Variants in CFAP20DC observed in about 807,000 individuals in gnomAD.
CFAP20DC encodes the protein protein CFAP20DC.
A neutral mutation model predicts 101.7 loss-of-function variants in CFAP20DC; 84 were observed. That is an observed-to-expected ratio of 0.83 (90% CI 0.69 to 0.99). CFAP20DC has a LOEUF of 0.99. CFAP20DC is among the 50% of genes least tolerant of loss of function. The probability of loss-of-function intolerance (pLI) is 0.00; values close to 1 mark genes in which losing one functional copy is unlikely to be tolerated. For missense variants in CFAP20DC, 1,007 were observed against 970.3 expected, an observed-to-expected ratio of 1.04 and a Z score of -0.50; for synonymous variants, 359 against 351.2, an observed-to-expected ratio of 1.02 and a Z score of -0.25.
intron 6 of CFAP20DC, among the ~76,000 whole-genome samples, chr3:58,906,501 T>A (rs2083598903): frequency 6.6e-6 from 1 of 152,232 alleles, no homozygotes; most frequent in African/African-American, 2.4e-5. Flanking sequence ...CTGAACTTGT[T>A]CCTTGAGCAT....
chr3:58,854,391 G>A (rs1186008488), intron 12 of CFAP20DC, among the ~76,000 whole-genome samples: 12 of 150,746 alleles, frequency 8.0e-5, no homozygotes, highest in African/African-American at 2.0e-4. Flanking sequence ...AATCAATATC[G>A]TGAAAATGGC....
chr3:58,757,880 C>T (rs548435863), intron 15 of CFAP20DC, among the ~76,000 whole-genome samples: 105 of 152,172 alleles, frequency 6.9e-4, no homozygotes, highest in African/African-American at 2.4e-3. Context: ...ACTAAGTAAG[C>T]ATTTACAAAG....
rs145101257 is a variant in CFAP20DC at position 58,914,648 on chromosome 3, C to T, written c.394-784G>A. On this transcript the variant is annotated intron_variant, in intron 5 of 16. Coordinates refer to ENST00000482387, the MANE Select transcript of CFAP20DC (RefSeq NM_001394063.1). The surrounding 1 kb of genome is among the most constrained non-coding windows in gnomAD (Gnocchi z 4.9). ...GGCTCTTCCATTATTTGTTTAGAAG[C>T]AAGGTTTACATAAGGTCCTGTATAT... Among the ~76,000 whole-genome samples the T allele has an allele frequency of 6.7e-6, 1 of 149,696 alleles. No individual in the cohort carries two copies. The highest frequency in any genetic ancestry group is 6.7e-5 in the Admixed American group (1 of 14,936).
intron 14 of CFAP20DC, among the ~76,000 whole-genome samples, chr3:58,808,572 C>T (rs1387630702): frequency 6.6e-6 from 1 of 152,198 alleles, no homozygotes; most frequent in Non-Finnish European, 1.5e-5. Flanking sequence ...AACCGCTAAA[C>T]ATGGAAAGGA....
At chr3:58,830,120 T>C (rs1031204397) in intron 14 of CFAP20DC, among the ~76,000 whole-genome samples, 7 of 152,152 alleles carry the variant, frequency 4.6e-5, no homozygotes, top group African/African-American at 1.7e-4. Flanking sequence ...AGAGGTGTTA[T>C]GTATATTTGA....
rs1483400144 is a variant in CFAP20DC at position 58,732,139 on chromosome 3, C to T, written c.198-14511G>A. ...ACAATCATCAAGAGAGTCATTTCAACTCAGTGGTAAGATTACAATTTCCAG... is the reference window on the plus strand; with the variant it reads ...ACAATCATCAAGAGAGTCATTTCAATTCAGTGGTAAGATTACAATTTCCAG... On this transcript the variant is annotated intron_variant, in intron 3 of 3. Coordinates refer to the CFAP20DC transcript ENST00000486145. This position sits in a 1 kb window ranked among gnomAD's most constrained non-coding sequence, Gnocchi z 5.4. Among the ~76,000 whole-genome samples the T allele has an allele frequency of 6.6e-6, 1 of 152,126 alleles. No homozygotes were observed. Among genetic ancestry groups the T allele is most frequent in the African/African-American group, 2.4e-5 (1 of 41,424 alleles).
At chr3:58,825,812 G>A (rs889379825) in intron 14 of CFAP20DC, among the ~76,000 whole-genome samples, 1 of 152,150 alleles carries the variant, frequency 6.6e-6, no homozygotes, top group Non-Finnish European at 1.5e-5. Context: ...GTCTGTCAAA[G>A]GCCAATGGAT....
At chr3:59,016,717 C>T (rs2093697500) in intron 4 of CFAP20DC, among the ~76,000 whole-genome samples, 1 of 152,044 alleles carries the variant, frequency 6.6e-6, no homozygotes, top group South Asian at 2.1e-4. Context: ...ATTGCTGGGT[C>T]ATCTCCAGAG....
chr3:58,895,794 A>G lies in CFAP20DC; in HGVS notation c.551-11085T>C, dbSNP rs906403065. ...CTTAATGGGGAACTCACAGTTCTAC[A>G]TGGCTGGGGAGGCCTCAGAATCATG... is the stretch of plus-strand genomic sequence containing the variant. On this transcript the variant is annotated intron_variant, in intron 6 of 16. Coordinates refer to ENST00000482387, the MANE Select transcript of CFAP20DC (RefSeq NM_001394063.1). Among the ~76,000 whole-genome samples the G allele has an allele frequency of 8.5e-5, 13 of 152,236 alleles. No homozygotes were observed. The East Asian group carries it at 1.7e-3, about 20-fold the overall frequency.
intron 4 of CFAP20DC, among the ~76,000 whole-genome samples, chr3:59,013,034 G>C (rs938822540): frequency 6.6e-6 from 1 of 152,176 alleles, no homozygotes; most frequent in Non-Finnish European, 1.5e-5. Context: ...AAAAAGAAGT[G>C]TATCAGAGGA....
In CFAP20DC at chr3:58,742,446, C is replaced by T; in HGVS notation, c.*14G>A. The T allele has an allele frequency of 6.3e-7, 1 of 1,584,242 alleles. No individual in the cohort carries two copies. Among genetic ancestry groups the T allele is most frequent in the Non-Finnish European group, 8.6e-7 (1 of 1,165,042 alleles). Reference sequence around the variant, plus strand: ...CCAGCTGGGAGTGCCTGCTCTCTGCCCCGGAAGGAGGCATTATACCAACTC... The same window carrying T: ...CCAGCTGGGAGTGCCTGCTCTCTGCTCCGGAAGGAGGCATTATACCAACTC... On this transcript the variant is annotated 3_prime_UTR_variant, in exon 17 of 17. Transcript: ENST00000482387.
chr3:59,047,378 T>G, intron 1 of CFAP20DC, 124 bp from the exon 2 acceptor site: 2 of 628,502 alleles, frequency 3.2e-6, no homozygotes, highest in Non-Finnish European at 5.5e-6. Flanking sequence ...ACATTCTCCC[T>G]GTTATTACTC....
At chr3:58,808,891 C>CA (rs974561601) in intron 14 of CFAP20DC, among the ~76,000 whole-genome samples, 1 of 151,678 alleles carries the variant, frequency 6.6e-6, no homozygotes, top group African/African-American at 2.4e-5. Flanking sequence ...AAACGGAAAA[C>CA]AAAAAAAGGC....
At chr3:58,991,672 C>T (rs1348139565) in intron 4 of CFAP20DC, among the ~76,000 whole-genome samples, 1 of 152,110 alleles carries the variant, frequency 6.6e-6, no homozygotes, top group African/African-American at 2.4e-5. Flanking sequence ...ATAAGGAGCA[C>T]ACAACCTAGA....
In CFAP20DC at chr3:59,015,585, A is replaced by G. The variant is rs558321749; in HGVS notation, c.278+23972T>C. 6.6e-6 allele frequency among the ~76,000 whole-genome samples: 1 copy of G among 152,024 alleles called. No homozygotes were observed. The highest frequency in any genetic ancestry group is 2.4e-5 in the African/African-American group (1 of 41,426). ...AGGAGGGTTGGAGGGTGGAGGAGGA[A>G]GAAGGGCTATAGATCCCTAGAAACA... On this transcript the variant is annotated intron_variant, in intron 4 of 16. Transcript: ENST00000482387. This position sits in a 1 kb window ranked among gnomAD's most constrained non-coding sequence, Gnocchi z 5.4.
At chr3:59,049,454 T>C (rs1423078261) in intron 1 of CFAP20DC, among the ~76,000 whole-genome samples, 157 bp downstream of exon 1, 3 of 152,314 alleles carry the variant, frequency 2.0e-5, no homozygotes, top group African/African-American at 7.2e-5. Context: ...TTTTTCCTTC[T>C]CTCTGGGTCA....
chr3:59,012,876 T>C (rs1337866444), intron 4 of CFAP20DC, among the ~76,000 whole-genome samples: 4 of 152,194 alleles, frequency 2.6e-5, no homozygotes, highest in African/African-American at 4.8e-5. Flanking sequence ...GTTCTTACAT[T>C]TGTATGTAAT....
rs116009480 is a variant in CFAP20DC at position 58,839,422 on chromosome 3, C to G, written c.1972-7533G>C. Among the ~76,000 whole-genome samples, 764 of 152,156 alleles carry G rather than the reference C, an allele frequency of 5.0e-3. 3 individuals are homozygous for G. Among genetic ancestry groups the G allele is most frequent in the Non-Finnish European group, 8.4e-3 (574 of 67,998 alleles). ...TGAAGATAAGATAAAGTAAGGAGCA[C>G]CTTGTGGAAGGCCTGGCATATGGGA... On this transcript the variant is annotated intron_variant, in intron 13 of 16. Transcript: ENST00000482387.
intron 15 of CFAP20DC, among the ~76,000 whole-genome samples, chr3:58,776,011 G>T (rs1356252195): frequency 1.3e-5 from 2 of 152,020 alleles, no homozygotes; most frequent in African/African-American, 4.8e-5. Flanking sequence ...TAAAGTGCTG[G>T]GATTACAGGC....
Sources: gnomAD v4.1 joint callset for allele counts (sites outside exome capture counted in the v4.1 genomes callset) on GRCh38, gnomAD v4.1.1 for gene constraint, Gnocchi (gnomAD v3.1) non-coding constraint, MANE v1.5 for transcripts, NCBI Gene and HGNC (gene_info 2026-07-23, HGNC 2026-07-21) for gene names.